Variants in SBSPON observed in about 807,000 individuals in gnomAD.
SBSPON encodes somatomedin-B and thrombospondin type-1 domain-containing protein.
A neutral mutation model predicts 35.8 loss-of-function variants in SBSPON; 30 were observed. The ratio of observed to expected loss-of-function variants is 0.84; its 90% confidence interval spans 0.63 to 1.14. SBSPON has a LOEUF of 1.14. SBSPON is among the 50% of genes most tolerant of loss of function. The pLI is 0.00. For synonymous variants in SBSPON, 136 were observed against 135.9 expected (o/e 1.00, Z 0.00); for missense variants, 364 against 357.7 (o/e 1.02, Z -0.14).
intron 2 of SBSPON, chr8:73,075,873 G>GT: frequency 2.3e-5 from 6 of 262,738 alleles, no homozygotes; most frequent in Non-Finnish European, 3.0e-5. Context: ...TGTCAATGAT[G>GT]TGCAACACAT....
At chr8:73,082,117 A>C (rs1249959603) in intron 1 of SBSPON, among the ~76,000 whole-genome samples, 1 of 152,260 alleles carries the variant, frequency 6.6e-6, no homozygotes, top group East Asian at 1.9e-4. Context: ...CCACTTAACA[A>C]ATCTGAAGAT....
chr8:73,067,713 A>T (rs188235013), intron 4 of SBSPON, among the ~76,000 whole-genome samples: 1 of 7,570 alleles, frequency 1.3e-4, no homozygotes, highest in Non-Finnish European at 3.5e-4. Context: ...TTTTATAAAG[A>T]AAAATTATTT....
At chr8:73,080,965 T>G (rs10087744) in intron 2 of SBSPON, 54 bp downstream of exon 2, 785,403 of 1,438,734 alleles carry the variant, frequency 0.55, 218,872 homozygotes, top group Middle Eastern at 0.59. Context: ...TAGGATGAAG[T>G]GGTCAAAAAG....
intron 1 of SBSPON, among the ~76,000 whole-genome samples, chr8:73,088,166 T>C (rs1005895169): frequency 3.9e-5 from 6 of 152,258 alleles, no homozygotes; most frequent in African/African-American, 1.2e-4. Flanking sequence ...TTTTAGTTTT[T>C]ACCTGAGAAA....
rs1214978390 is a variant in SBSPON at position 73,066,513 on chromosome 8, A to G, written c.*828T>C. On this transcript the variant is annotated 3_prime_UTR_variant, in exon 5 of 5. Coordinates refer to ENST00000297354, the MANE Select transcript of SBSPON (RefSeq NM_153225.4). ...GGTAGGAAAAAAATAGTGAGCTTAC[A>G]TCAACTAAACTTGAAGCTGGACTCT... The G allele has an allele frequency of 6.6e-6, 1 of 152,214 alleles. No homozygotes were observed. Among genetic ancestry groups the G allele is most frequent in the African/African-American group, 2.4e-5 (1 of 41,458 alleles). The allele number at this position is 152,214 out of a possible 1,614,324, so 9.4% of individuals were successfully genotyped here. A position where few individuals can be genotyped will look rare whatever the true frequency, so the allele number is the denominator to read the frequency against.
intron 1 of SBSPON, among the ~76,000 whole-genome samples, chr8:73,086,151 T>C (rs1418224142): frequency 1.3e-5 from 2 of 151,848 alleles, no homozygotes; most frequent in African/African-American, 4.8e-5. Context: ...TTTAAATATA[T>C]ATCATCTCCC....
intron 1 of SBSPON, among the ~76,000 whole-genome samples, chr8:73,090,215 C>G (rs72655856): frequency 3.3e-5 from 5 of 152,136 alleles, no homozygotes; most frequent in African/African-American, 4.8e-5. Context: ...TTAGGCCCCA[C>G]GAGGGTGACT....
At chr8:73,072,594 G>A (rs866614842) in intron 2 of SBSPON, among the ~76,000 whole-genome samples, 2 of 152,162 alleles carry the variant, frequency 1.3e-5, no homozygotes, top group African/African-American at 2.4e-5. Flanking sequence ...ACTTGAACCC[G>A]GGAGGCGGAG....
chr8:73,089,859 G>A (rs1810898908), intron 1 of SBSPON, among the ~76,000 whole-genome samples: 1 of 152,096 alleles, frequency 6.6e-6, no homozygotes, highest in African/African-American at 2.4e-5. Context: ...GTCCCACACA[G>A]TGGTTTCATC....
chr8:73,067,859 T>C (rs1236825847), intron 4 of SBSPON, among the ~76,000 whole-genome samples: 1 of 150,676 alleles, frequency 6.6e-6, no homozygotes, highest in African/African-American at 2.4e-5. Context: ...ATTTTTTTTT[T>C]AATGATCACA....
At chr8:73,075,822 T>C (rs1810583733) in intron 2 of SBSPON, 12 of 801,642 alleles carry the variant, frequency 1.5e-5, no homozygotes, top group Admixed American at 6.2e-5. Flanking sequence ...ATAATGCACA[T>C]TGATCTCCTT....
chr8:73,078,750 CTG>C (rs1222115582), intron 2 of SBSPON, among the ~76,000 whole-genome samples: 5 of 152,174 alleles, frequency 3.3e-5, no homozygotes, highest in Non-Finnish European at 7.3e-5. Context: ...ATGGCTGTGT[CTG>C]TGAGCAACCA....
chr8:73,086,625 G>T (rs991426937), intron 1 of SBSPON, among the ~76,000 whole-genome samples: 3 of 149,790 alleles, frequency 2.0e-5, no homozygotes, highest in African/African-American at 7.4e-5. Context: ...CAGAAACCAC[G>T]TTATCTGGCC....
intron 2 of SBSPON, among the ~76,000 whole-genome samples, chr8:73,073,905 A>G (rs531595571): frequency 6.6e-6 from 1 of 152,048 alleles, no homozygotes; most frequent in Middle Eastern, 3.4e-3. Flanking sequence ...CTGCACTGAC[A>G]TGTTTAATTG....
intron 4 of SBSPON, among the ~76,000 whole-genome samples, chr8:73,069,017 G>T (rs1810443828): frequency 2.0e-5 from 3 of 152,078 alleles, no homozygotes; most frequent in African/African-American, 7.2e-5. Flanking sequence ...CAGAGTTGAG[G>T]GGTTGTCACA....
chr8:73,071,961 C>A (rs2129992886), intron 2 of SBSPON, 91 bp from the exon 3 acceptor site: 3 of 761,730 alleles, frequency 3.9e-6, no homozygotes, highest in Non-Finnish European at 4.7e-6. Flanking sequence ...CTAAGGGTCT[C>A]CATTCCTAAA....
At chr8:73,068,463 T>C (rs1027913366) in intron 4 of SBSPON, among the ~76,000 whole-genome samples, 9 of 152,238 alleles carry the variant, frequency 5.9e-5, no homozygotes, top group African/African-American at 2.2e-4. Context: ...ACACCTGACA[T>C]ACTGAAAACC....
Position 73,081,206 on chromosome 8 carries a change from C to A in SBSPON, c.222G>T (p.Pro74=). 1.9e-6 allele frequency: 3 copies of A among 1,579,564 alleles called. No individual in the cohort carries two copies. The South Asian group carries it at 3.5e-5, about 18-fold the overall frequency. ...FDYDRACPAR[P]CFVGEWSPWS... ...AGGGGCTCCATTCCCCCACGAAGCA[C>A]GGGCGAGCTGAAAAACAGCACAATA... Residue 74 remains proline (P), a synonymous_variant, in exon 2 of 5, where the codon CCG becomes CCT. Transcript: ENST00000297354.
At chr8:73,090,552 C>T (rs1316843744) in intron 1 of SBSPON, among the ~76,000 whole-genome samples, 2 of 152,188 alleles carry the variant, frequency 1.3e-5, no homozygotes, top group Admixed American at 1.3e-4. Flanking sequence ...CTCTCACCCT[C>T]GGAGGGGCAG....
Sources: gnomAD v4.1 joint callset for allele counts (sites outside exome capture counted in the v4.1 genomes callset) on GRCh38, gnomAD v4.1.1 for gene constraint, MANE v1.5 for transcripts, NCBI Gene and HGNC (gene_info 2026-07-23, HGNC 2026-07-21) for gene names.